Variants in PTPN9 observed in about 807,000 individuals in gnomAD.
PTPN9 encodes tyrosine-protein phosphatase non-receptor type 9.
In PTPN9, 26 loss-of-function variants were observed where a neutral mutation model predicts 69.8. That is an observed-to-expected ratio of 0.37 (90% CI 0.27 to 0.52). The LOEUF is 0.52. Among genes scored for constraint, PTPN9 ranks in the 20% least tolerant of loss-of-function variants. PTPN9 has a pLI of 0.91. For synonymous variants in PTPN9, 274 were observed against 272.5 expected (o/e 1.01, Z -0.05); for missense variants, 549 against 740.3 (o/e 0.74, Z 3.00).
chr15:75,481,224 C>T (rs1348787021), intron 8 of PTPN9, among the ~76,000 whole-genome samples: 2 of 84,116 alleles, frequency 2.4e-5, no homozygotes, highest in Admixed American at 1.2e-4. Context: ...GTGAGGAGAC[C>T]CTCTGCCTGG....
intron 1 of PTPN9, among the ~76,000 whole-genome samples, chr15:75,569,279 C>T (rs868805776): frequency 4.6e-5 from 7 of 152,122 alleles, no homozygotes; most frequent in Middle Eastern, 3.4e-3. Context: ...TAAAATGGGG[C>T]TTAATATTTA....
chr15:75,531,107 T>C (rs899431845), intron 1 of PTPN9, among the ~76,000 whole-genome samples: 3 of 150,926 alleles, frequency 2.0e-5, no homozygotes, highest in Admixed American at 1.3e-4. Flanking sequence ...CAGCAATACC[T>C]CATAACAGAG....
At chr15:75,524,777 C>CA (rs10699634) in intron 2 of PTPN9, among the ~76,000 whole-genome samples, 44,711 of 71,498 alleles carry the variant, frequency 0.63, 15,887 homozygotes, top group African/African-American at 0.75. Context: ...GACTCTGTCT[C>CA]AAAAAAAAAA....
chr15:75,506,442 A>T (rs1020778626), intron 6 of PTPN9, among the ~76,000 whole-genome samples: 3 of 152,158 alleles, frequency 2.0e-5, no homozygotes, highest in Admixed American at 2.0e-4. Context: ...GCTTGGTATA[A>T]CTGTTCACAA....
chr15:75,556,078 T>TAGATCAAC (rs2075075730), intron 1 of PTPN9, among the ~76,000 whole-genome samples: 1 of 145,290 alleles, frequency 6.9e-6, no homozygotes, highest in Non-Finnish European at 1.5e-5. Context: ...GGCACTACTC[T>TAGATCAAC]AGATCAACAA....
intron 7 of PTPN9, among the ~76,000 whole-genome samples, chr15:75,495,438 C>T (rs1352950673): frequency 1.3e-5 from 2 of 151,996 alleles, no homozygotes; most frequent in Admixed American, 6.6e-5. Context: ...AAGGGCCAAG[C>T]ACGGTGGCTC....
At chr15:75,558,260 G>A (rs377602446) in intron 1 of PTPN9, among the ~76,000 whole-genome samples, 11 of 152,198 alleles carry the variant, frequency 7.2e-5, no homozygotes, top group South Asian at 2.1e-4. Context: ...CCCAGGAGGC[G>A]GAGGCTGCAG....
chr15:75,491,573 G>A (rs1446313209), intron 7 of PTPN9, among the ~76,000 whole-genome samples: 1 of 152,160 alleles, frequency 6.6e-6, no homozygotes. Context: ...GATAGAATTT[G>A]GAAGTACATG....
At chr15:75,478,893 T>C (rs2074612243) in intron 9 of PTPN9, among the ~76,000 whole-genome samples, 1 of 152,250 alleles carries the variant, frequency 6.6e-6, no homozygotes, top group African/African-American at 2.4e-5. Context: ...GATGGTCTGT[T>C]GTCTTTCTGT....
At chr15:75,497,802 CAAAA>C (rs879944894) in intron 7 of PTPN9, among the ~76,000 whole-genome samples, 3 of 72,212 alleles carry the variant, frequency 4.2e-5, no homozygotes, top group Admixed American at 3.1e-4. Context: ...AACTCTGTCT[CAAAA>C]AAAAAAAAAA....
rs545215635 is a variant in PTPN9, at chr15:75,559,043, G to C, written c.63+19671C>G. 2.1e-3 allele frequency among the ~76,000 whole-genome samples: 321 copies of C among 151,650 alleles called. 2 individuals are homozygous for C. Among genetic ancestry groups the C allele is most frequent in the African/African-American group, 7.2e-3 (299 of 41,336 alleles). Reference sequence around the variant, plus strand: ...CCCGGCTGCCAGGTCTGGGAAGTGAGGAGCACCTCTTCCCGGCCGCCATCC... The same window carrying C: ...CCCGGCTGCCAGGTCTGGGAAGTGACGAGCACCTCTTCCCGGCCGCCATCC... On this transcript the variant is annotated intron_variant, in intron 1 of 12. Transcript: ENST00000618819.
At chr15:75,539,377 A>G (rs1043213124) in intron 1 of PTPN9, among the ~76,000 whole-genome samples, 1 of 150,242 alleles carries the variant, frequency 6.7e-6, no homozygotes, top group South Asian at 2.1e-4. Context: ...GCAATCGCAC[A>G]ATCTTGGCTC....
At chr15:75,520,542 G>T (rs2074898708) in intron 4 of PTPN9, among the ~76,000 whole-genome samples, 1 of 150,190 alleles carries the variant, frequency 6.7e-6, no homozygotes, top group African/African-American at 2.4e-5. Context: ...TTTTGAGACA[G>T]AGTTCGCTTT....
chr15:75,544,951 T>G (rs911930629), intron 1 of PTPN9, among the ~76,000 whole-genome samples: 1 of 152,168 alleles, frequency 6.6e-6, no homozygotes, highest in Non-Finnish European at 1.5e-5. Flanking sequence ...AAACCTGGCT[T>G]ATTCCTATTT....
At chr15:75,497,737 G>T (rs1021891127) in intron 7 of PTPN9, among the ~76,000 whole-genome samples, 1 of 151,048 alleles carries the variant, frequency 6.6e-6, no homozygotes, top group Non-Finnish European at 1.5e-5. Flanking sequence ...AGGAGGCGGA[G>T]GTTGCAGTGA....
At chr15:75,541,772 T>C (rs1595965802) in intron 1 of PTPN9, among the ~76,000 whole-genome samples, 1 of 151,556 alleles carries the variant, frequency 6.6e-6, no homozygotes, top group South Asian at 2.1e-4. Flanking sequence ...AGTAGTGCGA[T>C]CTCAGCTCAC....
intron 9 of PTPN9, among the ~76,000 whole-genome samples, chr15:75,478,799 TG>T (rs1278928535): frequency 6.6e-6 from 1 of 152,254 alleles, no homozygotes; most frequent in African/African-American, 2.4e-5. Flanking sequence ...TGTCCTTTAC[TG>T]GTGATACTAA....
intron 5 of PTPN9, among the ~76,000 whole-genome samples, chr15:75,515,433 A>AG (rs2074864665): frequency 6.6e-6 from 1 of 150,790 alleles, no homozygotes; most frequent in East Asian, 2.0e-4. Flanking sequence ...TCTCAAAAAA[A>AG]AAAAAAAAAA....
intron 1 of PTPN9, among the ~76,000 whole-genome samples, chr15:75,552,783 AAG>A (rs1408043327): frequency 1.4e-5 from 2 of 148,138 alleles, no homozygotes; most frequent in African/African-American, 5.0e-5. Flanking sequence ...GCTGAACTTT[AAG>A]AGAGTCACCG....
Sources: gnomAD v4.1 joint callset for allele counts (sites outside exome capture counted in the v4.1 genomes callset) on GRCh38, gnomAD v4.1.1 for gene constraint, MANE v1.5 for transcripts, NCBI Gene and HGNC (gene_info 2026-07-23, HGNC 2026-07-21) for gene names.